Variants in SLC12A2 observed in about 807,000 individuals in gnomAD.
SLC12A2 encodes solute carrier family 12 member 2, also known as Na-K-2Cl cotransporter 1.
A neutral mutation model predicts 136.3 loss-of-function variants in SLC12A2; 67 were observed. The observed-to-expected ratio is 0.49, with a 90% CI of 0.40 to 0.60. The LOEUF (loss-of-function observed/expected upper bound fraction) is 0.60. Among genes scored for constraint, SLC12A2 ranks in the 20% least tolerant of loss-of-function variants. The pLI, the probability that SLC12A2 is intolerant of heterozygous loss-of-function variation, is 0.00. For missense variants in SLC12A2, 1,322 were observed against 1,534.7 expected (o/e 0.86, Z 2.32); for synonymous variants, 619 against 562.9 (o/e 1.10, Z -1.41).
At chr5:128,130,580 G>T (rs1234674509) in intron 4 of SLC12A2, among the ~76,000 whole-genome samples, 1 of 151,508 alleles carries the variant, frequency 6.6e-6, no homozygotes, top group Non-Finnish European at 1.5e-5. Context: ...TGCTCAGGAG[G>T]CTGAGGCACG....
In SLC12A2 at chr5:128,177,154, C is replaced by A; in HGVS notation, c.2977+2C>A. On this transcript the variant is annotated splice_donor_variant, in intron 21 of 26. Coordinates refer to ENST00000262461, the MANE Select transcript of SLC12A2 (RefSeq NM_001046.3). LOFTEE classifies it high-confidence loss of function. ...CAACTCAACCACTGTTGAAAAAAGG[C>A]AGGCATTTTTCATCATTTTATTTTA... is the stretch of plus-strand genomic sequence containing the variant. The A allele has an allele frequency of 6.3e-7, 1 of 1,590,158 alleles. No individual in the cohort carries two copies. The highest frequency in any genetic ancestry group is 1.8e-5 in the Admixed American group (1 of 55,742).
chr5:128,120,860 A>G (rs1423123026), intron 4 of SLC12A2, among the ~76,000 whole-genome samples: 1 of 151,950 alleles, frequency 6.6e-6, no homozygotes, highest in African/African-American at 2.4e-5. Context: ...AAAGTATAAT[A>G]ATAATAATAA....
At position 128,131,205 on chromosome 5, in the gene SLC12A2, A is replaced by C. The variant is rs1356575060; in HGVS notation, c.1187A>C (p.Lys396Thr). The C allele has an allele frequency of 1.9e-6, 3 of 1,613,962 alleles. No individual in the cohort carries two copies. Among genetic ancestry groups the C allele is most frequent in the Non-Finnish European group, 1.7e-6 (2 of 1,179,960 alleles). The change falls in exon 5 of 27, where the codon AAG (lysine) becomes ACG (threonine). Residue 396 changes from lysine (K) to threonine (T), a missense_variant and splice_region_variant. Around this residue, in one of 8 missense-constraint regions of SLC12A2, gnomAD observed 110 missense variants for 114.5 expected, o/e 0.96. Transcript: ENST00000262461. ...GFAETVVELL[K>T]EHSILMIDEI... ...GCAGAAACCGTGGTGGAGTTGCTTA[A>C]GGTAATTCACCTTCCTTCTAGTCAT... is the stretch of plus-strand genomic sequence containing the variant.
chr5:128,112,993 C>A, intron 2 of SLC12A2, 60 bp downstream of exon 2: 10 of 1,423,796 alleles, frequency 7.0e-6, no homozygotes, highest in Non-Finnish European at 8.5e-6. Context: ...TAAAATCTTC[C>A]TAACGTTCTC....
At chr5:128,126,966 A>ATATATATATATATATATATAATTT in intron 4 of SLC12A2, among the ~76,000 whole-genome samples, 3 of 21,158 alleles carry the variant, frequency 1.4e-4, no homozygotes, top group African/African-American at 5.0e-4. Flanking sequence ...ATATATATAT[A>ATATATATATATATATATATAATTT]TTTTTTTTTT....
At chr5:128,180,460 A>C (rs1763674284) in intron 22 of SLC12A2, among the ~76,000 whole-genome samples, 2 of 152,208 alleles carry the variant, frequency 1.3e-5, no homozygotes. Context: ...CACTGCTCCC[A>C]GGCCTTCTCC....
rs187241453 is a variant in SLC12A2, at chr5:128,085,465, T to C, written c.756+755T>C. Among the ~76,000 whole-genome samples the C allele has an allele frequency of 8.1e-4, 124 of 152,352 alleles. 1 individual carries two copies. The highest frequency in any genetic ancestry group is 2.9e-3 in the African/African-American group (119 of 41,582). On this transcript the variant is annotated intron_variant, in intron 1 of 26. Transcript: ENST00000262461. ...CTTTGCCATAAGCAGTTACACTTTG[T>C]AAACAGAAAACCATCCCCATAAACT...
intron 17 of SLC12A2, among the ~76,000 whole-genome samples, chr5:128,164,190 C>T (rs1208165505): frequency 6.6e-6 from 1 of 152,106 alleles, no homozygotes; most frequent in Non-Finnish European, 1.5e-5. Context: ...GGTGAGGGCC[C>T]AGCGTTTGCA....
intron 19 of SLC12A2, among the ~76,000 whole-genome samples, chr5:128,174,167 C>G (rs1763468903): frequency 6.6e-6 from 1 of 152,112 alleles, no homozygotes; most frequent in African/African-American, 2.4e-5. Context: ...TATCTATATC[C>G]AAAATGCTTG....
chr5:128,135,388 A>G (rs933630825), intron 6 of SLC12A2, among the ~76,000 whole-genome samples: 4 of 152,080 alleles, frequency 2.6e-5, no homozygotes, highest in African/African-American at 7.2e-5. Flanking sequence ...ATGAAAGCCT[A>G]TATTGTTTTG....
chr5:128,171,646 T>G (rs879096787), intron 18 of SLC12A2, 21 bp from the exon 19 acceptor site: 2 of 1,531,942 alleles, frequency 1.3e-6, no homozygotes, highest in South Asian at 2.5e-5. Flanking sequence ...GTTTTTTCAT[T>G]TTTTGTTTTT....
At chr5:128,123,016 C>T (rs1239281962) in intron 4 of SLC12A2, among the ~76,000 whole-genome samples, 4 of 152,002 alleles carry the variant, frequency 2.6e-5, no homozygotes, top group Admixed American at 6.5e-5. Flanking sequence ...AGCTCAGATA[C>T]GAATCTGGCA....
chr5:128,186,535 T>C lies in SLC12A2; in HGVS notation c.3543T>C (p.Ala1181=), dbSNP rs1441738454. 1.2e-6 allele frequency: 2 copies of C among 1,613,666 alleles called. No individual in the cohort carries two copies. Among genetic ancestry groups the C allele is most frequent in the Non-Finnish European group, 1.7e-6 (2 of 1,179,886 alleles). Residue 1181 remains alanine (A), a synonymous_variant, in exon 27 of 27, where the codon GCT becomes GCC. Coordinates refer to ENST00000262461, the MANE Select transcript of SLC12A2 (RefSeq NM_001046.3). The part of the protein sequence containing the change: ...PVARKGAVSS[A]LYMAWLEALS... Reference sequence around the variant, plus strand: ...CACGAAAAGGTGCTGTGTCTAGTGCTCTCTACATGGCATGGTTAGAAGCTC... The same window carrying C: ...CACGAAAAGGTGCTGTGTCTAGTGCCCTCTACATGGCATGGTTAGAAGCTC...
At chr5:128,124,226 TCCAAATGTGTGGGTTTTCC>T (rs1761694156) in intron 4 of SLC12A2, among the ~76,000 whole-genome samples, 1 of 152,210 alleles carries the variant, frequency 6.6e-6, no homozygotes. Flanking sequence ...CACTTCTGAC[TCCAAATGTGTGGGTTTTCC>T]CCACACAAAC....
At position 128,084,790 on chromosome 5, in the gene SLC12A2, G is replaced by T. The variant is rs1299741252; in HGVS notation, c.756+80G>T. The T allele has an allele frequency of 2.2e-5, 31 of 1,428,740 alleles. No individual in the cohort carries two copies. Among genetic ancestry groups the T allele is most frequent in the Non-Finnish European group, 2.6e-5 (28 of 1,077,098 alleles). The allele number at this position is 1,428,740 out of a possible 1,614,324, so 88.5% of individuals were successfully genotyped here. On this transcript the variant is annotated intron_variant, in intron 1 of 26. Transcript: ENST00000262461. The surrounding 1 kb of genome is among the most constrained non-coding windows in gnomAD (Gnocchi z 5.6). Reference sequence around the variant, plus strand: ...GGATGTGGCTGCAGACTCTTCCCGAGTTGAGGTGGCGGGAGTAGTAGACGT... The same window carrying T: ...GGATGTGGCTGCAGACTCTTCCCGATTTGAGGTGGCGGGAGTAGTAGACGT...
At chr5:128,146,055 A>G (rs116616289) in intron 10 of SLC12A2, among the ~76,000 whole-genome samples, 1 of 151,932 alleles carries the variant, frequency 6.6e-6, no homozygotes, top group Non-Finnish European at 1.5e-5. Flanking sequence ...AGAAGTACAC[A>G]GTGAATACCT....
intron 7 of SLC12A2, among the ~76,000 whole-genome samples, chr5:128,136,284 G>C (rs1244827391): frequency 6.6e-6 from 1 of 152,066 alleles, no homozygotes; most frequent in East Asian, 1.9e-4. Context: ...TATAGATTCA[G>C]GTTATTTATG....
At chr5:128,102,310 T>G (rs1378031756) in intron 1 of SLC12A2, among the ~76,000 whole-genome samples, 1 of 152,134 alleles carries the variant, frequency 6.6e-6, no homozygotes, top group East Asian at 1.9e-4. Context: ...AGAAATAGAA[T>G]GTTGCTGGCA....
intron 17 of SLC12A2, among the ~76,000 whole-genome samples, chr5:128,163,703 GA>G (rs1160328972): frequency 6.6e-6 from 1 of 152,006 alleles, no homozygotes; most frequent in African/African-American, 2.4e-5. Flanking sequence ...CAGTGCTTAG[GA>G]AAAATAGCAA....
Sources: allele counts gnomAD v4.1 joint callset (sites outside exome capture counted in the v4.1 genomes callset), GRCh38; gene constraint gnomAD v4.1.1; regional missense constraint gnomAD v4.1.1; non-coding constraint Gnocchi (gnomAD v3.1); transcripts MANE v1.5; gene names NCBI Gene and HGNC (gene_info 2026-07-23, HGNC 2026-07-21).